The following PCDHGA2 variants were observed in gnomAD, a reference collection of about 807,000 sequenced individuals.
The protein encoded by PCDHGA2 is protocadherin gamma subfamily A, 2.
In PCDHGA2, 40 loss-of-function variants were observed where a neutral mutation model predicts 59.2. The observed-to-expected ratio is 0.68, with a 90% CI of 0.52 to 0.88. The LOEUF (loss-of-function observed/expected upper bound fraction) is 0.88. Among genes scored for constraint, PCDHGA2 ranks in the 40% least tolerant of loss-of-function variants. The pLI, the probability that PCDHGA2 is intolerant of heterozygous loss-of-function variation, is 0.00. For missense variants in PCDHGA2, 1,226 were observed against 1,204.0 expected (o/e 1.02, Z -0.27); for synonymous variants, 560 against 526.0 (o/e 1.06, Z -0.89).
chr5:141,423,887 T>C, intron 1 of PCDHGA2: 2 of 1,282,240 alleles, frequency 1.6e-6, no homozygotes, highest in Non-Finnish European at 2.0e-6. Context: ...CTTGGCATAT[T>C]TTCTTTTGAT....
At chr5:141,407,703 G>T (rs1016806853) in intron 1 of PCDHGA2, among the ~76,000 whole-genome samples, 1 of 152,096 alleles carries the variant, frequency 6.6e-6, no homozygotes, top group Admixed American at 6.6e-5. Context: ...ATTGTTGAAG[G>T]TGGGGTGATG....
chr5:141,361,591 C>T (rs776269447), intron 1 of PCDHGA2: 3 of 1,614,050 alleles, frequency 1.9e-6, no homozygotes, highest in South Asian at 1.1e-5. Context: ...CCCCAGTGGC[C>T]AAGTTTCCTA....
chr5:141,408,918 C>T, intron 1 of PCDHGA2: 1 of 1,613,408 alleles, frequency 6.2e-7, no homozygotes. Flanking sequence ...AATGATAACC[C>T]CCCGGTTTTC....
At chr5:141,458,132 G>C (rs2098938269) in intron 1 of PCDHGA2, among the ~76,000 whole-genome samples, 1 of 152,218 alleles carries the variant, frequency 6.6e-6, no homozygotes, top group South Asian at 2.1e-4. Flanking sequence ...GAACCAGGCA[G>C]AGAAAAATGA....
At chr5:141,423,094 C>CGCGTGCGT (rs2096708722) in intron 1 of PCDHGA2, 4 of 1,613,860 alleles carry the variant, frequency 2.5e-6, no homozygotes, top group African/African-American at 2.7e-5. Flanking sequence ...GGTGGGGGAG[C>CGCGTGCGT]ACACGGGCGA....
chr5:141,380,233 G>A (rs1035611474), intron 1 of PCDHGA2, among the ~76,000 whole-genome samples: 49 of 152,114 alleles, frequency 3.2e-4, no homozygotes, highest in Non-Finnish European at 7.1e-4. Context: ...GGCTTCTGTT[G>A]AGGTGGCAAT....
chr5:141,423,929 G>C, intron 1 of PCDHGA2: 1 of 1,236,074 alleles, frequency 8.1e-7, no homozygotes, highest in East Asian at 3.5e-5. Flanking sequence ...TGCTGGTTTG[G>C]TTTGAAGTAA....
intron 1 of PCDHGA2, chr5:141,398,208 G>C (rs898628305): frequency 1.3e-6 from 2 of 1,486,802 alleles, no homozygotes; most frequent in Non-Finnish European, 9.0e-7. Context: ...TGTTCTGCCC[G>C]GCGCTCTGTG....
chr5:141,363,164 T>A (rs113012267), intron 1 of PCDHGA2, among the ~76,000 whole-genome samples: 2 of 152,380 alleles, frequency 1.3e-5, no homozygotes, highest in South Asian at 2.1e-4. Context: ...AATCATTCTC[T>A]AACATGCATT....
chr5:141,490,321 G>C lies in PCDHGA2; in HGVS notation c.2425-4486G>C. On this transcript the variant is annotated intron_variant, in intron 1 of 3. Coordinates refer to ENST00000394576, the MANE Select transcript of PCDHGA2 (RefSeq NM_018915.4). The surrounding 1 kb of genome is among the most constrained non-coding windows in gnomAD (Gnocchi z 5.4). ...GGCCTCTTTGGCCAACCCTGTCCTA[G>C]AGAGCACACCAGTGGGCACAGTAGT... 1.2e-6 allele frequency: 2 copies of C among 1,614,220 alleles called. No homozygotes were observed. The highest frequency in any genetic ancestry group is 1.7e-6 in the Non-Finnish European group (2 of 1,180,044).
intron 1 of PCDHGA2, chr5:141,413,678 T>G (rs201325660): frequency 5.6e-6 from 9 of 1,613,632 alleles, no homozygotes; most frequent in Non-Finnish European, 7.6e-6. Flanking sequence ...GATGTGGGCG[T>G]GAACTCCCTG....
intron 1 of PCDHGA2, chr5:141,376,569 G>T: frequency 6.2e-7 from 1 of 1,603,942 alleles, no homozygotes; most frequent in South Asian, 1.1e-5. Flanking sequence ...CAACTAATCA[G>T]ACAGGCTCAT....
chr5:141,473,975 G>T (rs188916402), intron 1 of PCDHGA2, among the ~76,000 whole-genome samples: 1 of 152,104 alleles, frequency 6.6e-6, no homozygotes, highest in Non-Finnish European at 1.5e-5. Flanking sequence ...AGTCTGAGGC[G>T]GGAGGATCCC....
At chr5:141,496,402 G>T (rs551923899) in intron 2 of PCDHGA2, among the ~76,000 whole-genome samples, 183 of 152,248 alleles carry the variant, frequency 1.2e-3, no homozygotes, top group African/African-American at 4.0e-3. Flanking sequence ...CCTCCTCAAT[G>T]GTTGAGTACT....
intron 1 of PCDHGA2, 115 bp from the exon 2 acceptor site, chr5:141,494,692 C>G: frequency 6.3e-7 from 1 of 1,581,934 alleles, no homozygotes; most frequent in South Asian, 1.1e-5. Context: ...CCTCTTAGTC[C>G]GTTTTCTTCT....
At chr5:141,413,411 T>TC in intron 1 of PCDHGA2, 1 of 1,614,038 alleles carries the variant, frequency 6.2e-7, no homozygotes, top group Non-Finnish European at 8.5e-7. Flanking sequence ...ACGCAGCTTT[T>TC]CTCTCTGAAC....
chr5:141,351,428 T>C (rs746578484), intron 1 of PCDHGA2: 295 of 1,611,860 alleles, frequency 1.8e-4, no homozygotes, highest in Non-Finnish European at 2.4e-4. Flanking sequence ...TCCTTTCAAA[T>C]TAGAATCCAC....
intron 1 of PCDHGA2, chr5:141,371,912 C>G (rs1768180129): frequency 6.2e-7 from 1 of 1,613,380 alleles, no homozygotes; most frequent in Non-Finnish European, 8.5e-7. Flanking sequence ...CCTACGTGTC[C>G]GTGAGCGCGC....
At chr5:141,475,866 C>T in intron 1 of PCDHGA2, 1 of 504,862 alleles carries the variant, frequency 2.0e-6, no homozygotes, top group South Asian at 2.9e-5. Context: ...GCTCATTCTT[C>T]GTGCAGTTAT....
Sources: allele counts gnomAD v4.1 joint callset (sites outside exome capture counted in the v4.1 genomes callset), GRCh38; gene constraint gnomAD v4.1.1; non-coding constraint Gnocchi (gnomAD v3.1); transcripts MANE v1.5; gene names NCBI Gene and HGNC (gene_info 2026-07-23, HGNC 2026-07-21).